Variants in STXBP5L observed in about 807,000 individuals in gnomAD.
STXBP5L encodes the protein syntaxin-binding protein 5-like.
Under a neutral mutation model 144.5 loss-of-function variants are expected in STXBP5L, and 65 were observed. The observed-to-expected ratio is 0.45, with a 90% CI of 0.37 to 0.55. The LOEUF is 0.55. Ranked by LOEUF, STXBP5L falls within the 20% of genes least tolerant of loss-of-function variation. The probability of loss-of-function intolerance (pLI) is 0.00; values close to 1 mark genes in which losing one functional copy is unlikely to be tolerated. For missense variants in STXBP5L, 1,298 were observed against 1,405.5 expected (o/e 0.92, Z 1.22); for synonymous variants, 505 against 469.6 (o/e 1.08, Z -0.97).
rs887019079 is a variant in STXBP5L, at chr3:121,312,935, C to T, written c.2111-5540C>T. ...CTTCCCGCCTTTCTATTCCACAAAA[C>T]CGCCATTGTCATCATGGCCCATCAC... On this transcript the variant is annotated intron_variant, in intron 19 of 26. Coordinates refer to ENST00000471454, the MANE Select transcript of STXBP5L (RefSeq NM_001308330.2). Among the ~76,000 whole-genome samples, 5 of 152,342 alleles carry T rather than the reference C, an allele frequency of 3.3e-5. No homozygotes were observed. The East Asian group carries it at 9.7e-4, about 29-fold the overall frequency.
intron 2 of STXBP5L, among the ~76,000 whole-genome samples, chr3:120,917,613 C>T (rs1709167743): frequency 6.6e-6 from 1 of 151,954 alleles, no homozygotes; most frequent in Non-Finnish European, 1.5e-5. Flanking sequence ...AGGAACCCTT[C>T]AGGATAGGAG....
intron 17 of STXBP5L, among the ~76,000 whole-genome samples, chr3:121,258,713 A>T (rs1399950346): frequency 2.0e-5 from 3 of 152,122 alleles, no homozygotes; most frequent in Non-Finnish European, 4.4e-5. Context: ...TATGCTTTAT[A>T]ACTGATATAT....
At chr3:121,346,531 T>A (rs372100910) in intron 20 of STXBP5L, among the ~76,000 whole-genome samples, 267 of 152,238 alleles carry the variant, frequency 1.8e-3, no homozygotes, top group East Asian at 0.011. Context: ...CGCCACACTG[T>A]CTTCCACAAT....
intron 14 of STXBP5L, among the ~76,000 whole-genome samples, chr3:121,241,370 CACACAT>C (rs2049659864): frequency 1.4e-5 from 1 of 72,160 alleles, no homozygotes; most frequent in African/African-American, 6.3e-5. Context: ...CAACAACACA[CACACAT>C]ACACACACAC....
chr3:121,111,409 G>T (rs1402089949), intron 5 of STXBP5L, among the ~76,000 whole-genome samples: 12 of 152,166 alleles, frequency 7.9e-5, no homozygotes, highest in Non-Finnish European at 2.9e-5. Context: ...CTGACCTTTG[G>T]ATGGGGTTTT....
intron 20 of STXBP5L, among the ~76,000 whole-genome samples, chr3:121,346,791 A>T (rs1247886010): frequency 6.6e-6 from 1 of 151,990 alleles, no homozygotes; most frequent in Non-Finnish European, 1.5e-5. Context: ...CCACTTTTTG[A>T]TGGAGTTGTT....
At chr3:121,320,626 T>C (rs545321369) in intron 20 of STXBP5L, among the ~76,000 whole-genome samples, 14 of 152,056 alleles carry the variant, frequency 9.2e-5, no homozygotes, top group Non-Finnish European at 1.8e-4. Flanking sequence ...TTTTTAGCCC[T>C]TTGCCTATGA....
intron 4 of STXBP5L, among the ~76,000 whole-genome samples, chr3:121,043,160 A>G (rs564127390): frequency 7.4e-4 from 113 of 152,142 alleles, no homozygotes; most frequent in African/African-American, 2.5e-3. Flanking sequence ...TACTCGCCCT[A>G]TGTACCTCAC....
intron 2 of STXBP5L, among the ~76,000 whole-genome samples, chr3:120,953,502 CTTTT>C (rs758605593): frequency 1.5e-5 from 2 of 132,104 alleles, no homozygotes; most frequent in Admixed American, 7.7e-5. Context: ...TGAATTTTTC[CTTTT>C]TTTTTTTTTT....
At chr3:121,365,778 G>C (rs182624634) in intron 20 of STXBP5L, among the ~76,000 whole-genome samples, 1 of 150,832 alleles carries the variant, frequency 6.6e-6, no homozygotes, top group African/African-American at 2.4e-5. Context: ...TTTAATCTCT[G>C]CTCTAATGTT....
intron 7 of STXBP5L, among the ~76,000 whole-genome samples, chr3:121,143,293 T>TA (rs531040209): frequency 0.28 from 39,148 of 138,812 alleles, 5,373 homozygotes; most frequent in African/African-American, 0.36. Flanking sequence ...GTCCTTAAAT[T>TA]AAAAAAAAAA....
chr3:120,975,531 T>G (rs925711774), intron 3 of STXBP5L, among the ~76,000 whole-genome samples: 3 of 152,182 alleles, frequency 2.0e-5, no homozygotes, highest in African/African-American at 7.2e-5. Context: ...TGAATACCCT[T>G]TATTTCCTTC....
intron 22 of STXBP5L, among the ~76,000 whole-genome samples, chr3:121,391,089 C>T (rs2046572260): frequency 6.6e-6 from 1 of 152,048 alleles, no homozygotes; most frequent in Admixed American, 6.6e-5. Flanking sequence ...TTTCTTTTTA[C>T]TTTTCTTTCT....
intron 19 of STXBP5L, among the ~76,000 whole-genome samples, chr3:121,304,701 T>C (rs780915630): frequency 5.9e-5 from 9 of 152,114 alleles, no homozygotes; most frequent in Non-Finnish European, 1.0e-4. Context: ...ATTTATGAGA[T>C]ATTACTGAAG....
intron 3 of STXBP5L, among the ~76,000 whole-genome samples, chr3:121,041,416 A>G (rs1222804484): frequency 6.6e-6 from 1 of 152,110 alleles, no homozygotes; most frequent in East Asian, 1.9e-4. Flanking sequence ...AAAAATCTTA[A>G]ATGAAATGAG....
chr3:121,249,122 T>C (rs1265040903), intron 14 of STXBP5L, among the ~76,000 whole-genome samples: 2 of 152,124 alleles, frequency 1.3e-5, no homozygotes, highest in Non-Finnish European at 2.9e-5. Flanking sequence ...CAGGTTCTTT[T>C]TTGGTTTCAT....
intron 2 of STXBP5L, among the ~76,000 whole-genome samples, chr3:120,920,278 C>T (rs1343831948): frequency 6.6e-6 from 1 of 151,566 alleles, no homozygotes; most frequent in Non-Finnish European, 1.5e-5. Flanking sequence ...TCTTTGTTCT[C>T]TGCTAACAGA....
At chr3:121,279,182 GCTGT>G (rs776436354) in intron 18 of STXBP5L, among the ~76,000 whole-genome samples, 1 of 151,790 alleles carries the variant, frequency 6.6e-6, no homozygotes, top group Non-Finnish European at 1.5e-5. Context: ...ACTTAGAAGA[GCTGT>G]CTTTTTTAAA....
chr3:121,168,318 C>G (rs754850442), intron 9 of STXBP5L, among the ~76,000 whole-genome samples: 2 of 152,074 alleles, frequency 1.3e-5, no homozygotes, highest in Admixed American at 6.6e-5. Context: ...AGCAAGGGAA[C>G]AAAACTTGAT....
Sources: gnomAD v4.1 joint callset for allele counts (sites outside exome capture counted in the v4.1 genomes callset) on GRCh38, gnomAD v4.1.1 for gene constraint, MANE v1.5 for transcripts, NCBI Gene and HGNC (gene_info 2026-07-23, HGNC 2026-07-21) for gene names.